The following TBC1D22A variants were observed in gnomAD, a reference collection of about 807,000 sequenced individuals.
The protein encoded by TBC1D22A is TBC1 domain family member 22A.
TBC1D22A carries 38 observed loss-of-function variants against 60.2 expected under a neutral mutation model. The ratio of observed to expected loss-of-function variants is 0.63; its 90% CI spans 0.49 to 0.83. The LOEUF (loss-of-function observed/expected upper bound fraction) is 0.83, where lower values mean the gene tolerates loss of function less well. TBC1D22A is among the 40% of genes least tolerant of loss of function. The probability of loss-of-function intolerance (pLI) is 0.00; values close to 1 mark genes in which losing one functional copy is unlikely to be tolerated. For synonymous variants in TBC1D22A, 302 were observed against 281.7 expected (o/e 1.07, Z -0.72); for missense variants, 628 against 701.0 (o/e 0.90, Z 1.18).
In TBC1D22A at chr22:46,990,784, G is replaced by A. The variant is rs6008014; in HGVS notation, c.1126-6850G>A. ...TCCTGCTGCGGTGGCTTCTCTCCCC[G>A]TTGGCTTGCTGGCTGTCTCCCTCCC... On this transcript the variant is annotated intron_variant, in intron 9 of 12. Transcript: ENST00000337137. The surrounding 1 kb of genome is among the most constrained non-coding windows in gnomAD (Gnocchi z 4.6). Among the ~76,000 whole-genome samples, 8,781 of 152,176 alleles carry A rather than the reference G, an allele frequency of 0.058. 355 individuals carry two copies. The highest frequency in any genetic ancestry group is 0.098 in the African/African-American group (4,062 of 41,494).
Position 46,920,454 on chromosome 22 carries a change from G to A in TBC1D22A, c.1015+8266G>A, listed in dbSNP as rs374061800. ...CAATTATACCTTAACTTTTTAGAAG[G>A]GATATATGGAAAGGTAAAATTTCCA... On this transcript the variant is annotated intron_variant, in intron 8 of 12. Transcript: ENST00000337137. 2.5e-4 allele frequency among the ~76,000 whole-genome samples: 38 copies of A among 152,232 alleles called. No individual in the cohort carries two copies. In the East Asian group the frequency reaches 4.4e-3, roughly 18 times the overall value.
intron 11 of TBC1D22A, among the ~76,000 whole-genome samples, chr22:47,052,332 G>A (rs1012196217): frequency 1.3e-5 from 2 of 152,202 alleles, no homozygotes; most frequent in African/African-American, 4.8e-5. Context: ...GTGGCCTCCT[G>A]GTACCAGCCA....
chr22:46,962,186 C>T (rs1227001032), intron 8 of TBC1D22A, among the ~76,000 whole-genome samples: 1 of 152,216 alleles, frequency 6.6e-6, no homozygotes, highest in Non-Finnish European at 1.5e-5. Context: ...CACTGCCCCT[C>T]CTGCTCTGCG....
chr22:47,092,877 C>T (rs73170441), intron 11 of TBC1D22A, among the ~76,000 whole-genome samples: 8,035 of 152,188 alleles, frequency 0.053, 286 homozygotes, highest in Admixed American at 0.12. Flanking sequence ...AAGAAAACAG[C>T]GAAGTTCATC....
chr22:46,937,559 G>A (rs988994809), intron 8 of TBC1D22A, among the ~76,000 whole-genome samples: 4 of 151,924 alleles, frequency 2.6e-5, no homozygotes, highest in Non-Finnish European at 5.9e-5. Flanking sequence ...TACTATAATC[G>A]TTATTTTAGA....
rs943909302 is a variant in TBC1D22A, at chr22:47,101,028, C to T, written c.1330-10480C>T. Among the ~76,000 whole-genome samples the T allele has an allele frequency of 5.9e-5, 9 of 152,172 alleles. No homozygotes were observed. In the South Asian group the frequency reaches 8.3e-4, roughly 14 times the overall value. On this transcript the variant is annotated intron_variant, in intron 11 of 12. Transcript: ENST00000337137. Reference sequence around the variant, plus strand: ...AAAGTGTGGAAACGTGCCCGATTTGCATGGCACTCCCGGGAGCCCTTGGGT... The same window carrying T: ...AAAGTGTGGAAACGTGCCCGATTTGTATGGCACTCCCGGGAGCCCTTGGGT...
chr22:46,829,185 C>T (rs1418185811), intron 4 of TBC1D22A, among the ~76,000 whole-genome samples: 1 of 152,162 alleles, frequency 6.6e-6, no homozygotes, highest in African/African-American at 2.4e-5. Flanking sequence ...TCTGTCCTTA[C>T]AAAATTAATT....
intron 11 of TBC1D22A, among the ~76,000 whole-genome samples, chr22:47,097,800 A>G (rs1359154885): frequency 1.3e-5 from 2 of 152,270 alleles, no homozygotes; most frequent in East Asian, 1.9e-4. Flanking sequence ...TTTGTGTAAT[A>G]TATTCCTGTG....
Position 47,028,779 on chromosome 22 carries a change from T to G in TBC1D22A, c.1202-8292T>G, listed in dbSNP as rs1041747331. Among the ~76,000 whole-genome samples, 2 of 152,258 alleles carry G rather than the reference T, an allele frequency of 1.3e-5. No individual in the cohort carries two copies. Among genetic ancestry groups the G allele is most frequent in the Non-Finnish European group, 2.9e-5 (2 of 68,052 alleles). ...ATGTGTTTGCAGTTTGGCCTCTGCC[T>G]TGCAGTCTGGTTGGATCTCAGCCCT... On this transcript the variant is annotated intron_variant, in intron 10 of 12. Transcript: ENST00000337137. This position sits in a 1 kb window ranked among gnomAD's most constrained non-coding sequence, Gnocchi z 4.4.
At chr22:46,872,405 A>C (rs1488765427) in intron 4 of TBC1D22A, among the ~76,000 whole-genome samples, 2 of 152,218 alleles carry the variant, frequency 1.3e-5, no homozygotes, top group Non-Finnish European at 2.9e-5. Context: ...ATAGACAAAA[A>C]ATTCTTTAAA....
intron 8 of TBC1D22A, among the ~76,000 whole-genome samples, chr22:46,933,780 A>T (rs2147903106): frequency 6.6e-6 from 1 of 152,338 alleles, no homozygotes; most frequent in African/African-American, 2.4e-5. Flanking sequence ...CTGAAGGTTC[A>T]GTTCTGTTTC....
chr22:46,922,126 A>G (rs936544108), intron 8 of TBC1D22A, among the ~76,000 whole-genome samples: 5 of 152,214 alleles, frequency 3.3e-5, no homozygotes, highest in African/African-American at 9.6e-5. Context: ...TCCCAGCACC[A>G]TTTATTGAAT....
At chr22:47,024,530 A>G (rs768040627) in intron 10 of TBC1D22A, among the ~76,000 whole-genome samples, 18 of 152,148 alleles carry the variant, frequency 1.2e-4, no homozygotes, top group Non-Finnish European at 1.9e-4. Context: ...AAAGCTCTGC[A>G]GGGGTTCCTT....
intron 11 of TBC1D22A, among the ~76,000 whole-genome samples, chr22:47,092,651 C>A (rs1361915618): frequency 2.0e-5 from 3 of 152,184 alleles, no homozygotes; most frequent in Admixed American, 6.5e-5. Flanking sequence ...CATTGCAGGG[C>A]TGGGGACAGA....
Position 47,041,681 on chromosome 22 carries a change from G to A in TBC1D22A, c.1329+4483G>A, listed in dbSNP as rs572013364. ...TTAGCTGTGCATCCCTGGGCGAGCCGAGTTTCCGATCCTTGCCTCGAGAGG... is the reference window on the plus strand; with the variant it reads ...TTAGCTGTGCATCCCTGGGCGAGCCAAGTTTCCGATCCTTGCCTCGAGAGG... On this transcript the variant is annotated intron_variant, in intron 11 of 12. Coordinates refer to ENST00000337137, the MANE Select transcript of TBC1D22A (RefSeq NM_014346.5). Among the ~76,000 whole-genome samples, 27 of 152,350 alleles carry A rather than the reference G, an allele frequency of 1.8e-4. No homozygotes were observed. In the Middle Eastern group the frequency reaches 0.01, roughly 58 times the overall value.
At chr22:46,804,149 C>T (rs1281010461) in intron 4 of TBC1D22A, among the ~76,000 whole-genome samples, 2 of 152,126 alleles carry the variant, frequency 1.3e-5, no homozygotes, top group African/African-American at 2.4e-5. Flanking sequence ...TTGCGTTTTC[C>T]CCCCGTGGCT....
At chr22:46,916,568 C>T (rs911481067) in intron 8 of TBC1D22A, among the ~76,000 whole-genome samples, 6 of 152,202 alleles carry the variant, frequency 3.9e-5, no homozygotes, top group African/African-American at 1.4e-4. Flanking sequence ...CATACATAAC[C>T]ATACAGAGAC....
chr22:46,846,344 C>T lies in TBC1D22A; in HGVS notation c.638-32309C>T, dbSNP rs74866219. Among the ~76,000 whole-genome samples, 944 of 152,288 alleles carry T rather than the reference C, an allele frequency of 6.2e-3. 7 individuals are homozygous for T. Among genetic ancestry groups the T allele is most frequent in the Non-Finnish European group, 0.011 (718 of 68,030 alleles). Reference sequence around the variant, plus strand: ...TGTTTGTCAGTGGGCGTGGCGACATCGCTTACTCACCTATGCTTTCCGTCT... The same window carrying T: ...TGTTTGTCAGTGGGCGTGGCGACATTGCTTACTCACCTATGCTTTCCGTCT... On this transcript the variant is annotated intron_variant, in intron 4 of 12. Transcript: ENST00000337137.
intron 11 of TBC1D22A, among the ~76,000 whole-genome samples, chr22:47,089,581 G>A (rs538842123): frequency 8.2e-4 from 125 of 152,374 alleles, no homozygotes; most frequent in African/African-American, 2.9e-3. Context: ...TGTGGGAGGA[G>A]TGAGGCCGGC....
Sources: gnomAD v4.1 joint callset for allele counts (sites outside exome capture counted in the v4.1 genomes callset) on GRCh38, gnomAD v4.1.1 for gene constraint, Gnocchi (gnomAD v3.1) non-coding constraint, MANE v1.5 for transcripts, NCBI Gene and HGNC (gene_info 2026-07-23, HGNC 2026-07-21) for gene names.